POLR3B: variants seen among roughly 807,000 people sequenced by gnomAD.
POLR3B encodes RNA polymerase III subunit B.
In POLR3B, 96 loss-of-function variants were observed where a neutral mutation model predicts 147.4. That is an observed-to-expected ratio of 0.65 (90% confidence interval 0.55 to 0.77). POLR3B has a LOEUF of 0.77. Ranked by LOEUF, POLR3B falls within the 30% of genes least tolerant of loss-of-function variation. POLR3B has a pLI of 0.00. For synonymous variants in POLR3B, 461 were observed against 485.9 expected (o/e 0.95, Z 0.67); for missense variants, 1,036 against 1,413.5 (o/e 0.73, Z 4.28).
In POLR3B at chr12:106,463,973, A is replaced by G. The variant is rs369847526; in HGVS notation, c.2713+353A>G. 7.2e-5 allele frequency among the ~76,000 whole-genome samples: 11 copies of G among 151,882 alleles called. No homozygotes were observed. In the South Asian group the frequency reaches 8.3e-4, roughly 11 times the overall value. ...CTGAAAGATACATCTTTAAACTACT[A>G]TATGTTCTGTTGAGTCATAGTGTCA... On this transcript the variant is annotated intron_variant, in intron 23 of 27. Transcript: ENST00000228347.
chr12:106,388,540 T>A (rs751360021), intron 9 of POLR3B, among the ~76,000 whole-genome samples: 1 of 152,124 alleles, frequency 6.6e-6, no homozygotes, highest in East Asian at 1.9e-4. Context: ...ATGGTCTTGA[T>A]CTCCTGACCT....
chr12:106,376,080 A>G (rs2036674622), intron 6 of POLR3B, among the ~76,000 whole-genome samples: 1 of 152,176 alleles, frequency 6.6e-6, no homozygotes, highest in Non-Finnish European at 1.5e-5. Flanking sequence ...TCCTGGCCTC[A>G]TGTGATCCAC....
At chr12:106,495,608 C>T (rs574307497) in intron 23 of POLR3B, among the ~76,000 whole-genome samples, 1 of 152,232 alleles carries the variant, frequency 6.6e-6, no homozygotes, top group Non-Finnish European at 1.5e-5. Context: ...GCACACTCCT[C>T]ATCCAATCAT....
intron 12 of POLR3B, among the ~76,000 whole-genome samples, chr12:106,423,925 C>T (rs547953024): frequency 5.3e-5 from 8 of 151,712 alleles, no homozygotes; most frequent in African/African-American, 1.2e-4. Context: ...GGCACAATCT[C>T]GGCTCATTGC....
At chr12:106,425,064 G>T (rs993522136) in intron 12 of POLR3B, among the ~76,000 whole-genome samples, 2 of 152,164 alleles carry the variant, frequency 1.3e-5, no homozygotes, top group Non-Finnish European at 2.9e-5. Context: ...AGTAAAGACA[G>T]TTTTATTGCT....
chr12:106,401,305 C>G (rs994799031), intron 10 of POLR3B, among the ~76,000 whole-genome samples: 1 of 152,164 alleles, frequency 6.6e-6, no homozygotes, highest in African/African-American at 2.4e-5. Context: ...AGACCAATAA[C>G]AGGCTCTGAA....
chr12:106,436,451 C>G (rs2037577807), intron 16 of POLR3B, among the ~76,000 whole-genome samples: 2 of 152,214 alleles, frequency 1.3e-5, no homozygotes, highest in African/African-American at 4.8e-5. Context: ...GCTTCATTCT[C>G]TGCCAACTTT....
At chr12:106,421,858 C>T (rs1236721558) in intron 12 of POLR3B, among the ~76,000 whole-genome samples, 1 of 152,092 alleles carries the variant, frequency 6.6e-6, no homozygotes, top group African/African-American at 2.4e-5. Context: ...CACCACCACA[C>T]CCAGCTAATT....
rs113491777 is a variant in POLR3B at position 106,506,639 on chromosome 12, G to T, written c.3272+2385G>T. Among the ~76,000 whole-genome samples the T allele has an allele frequency of 1.7e-4, 26 of 152,290 alleles. No individual in the cohort carries two copies. The East Asian group carries it at 4.6e-3, about 27-fold the overall frequency. On this transcript the variant is annotated intron_variant, in intron 27 of 27. Coordinates refer to ENST00000228347, the MANE Select transcript of POLR3B (RefSeq NM_018082.6). Reference sequence around the variant, plus strand: ...TCTGATTTTGAAGCGTATGTATTCCGTGTGTATTGTATTTGAAATCCTTTG... The same window carrying T: ...TCTGATTTTGAAGCGTATGTATTCCTTGTGTATTGTATTTGAAATCCTTTG...
intron 23 of POLR3B, among the ~76,000 whole-genome samples, chr12:106,471,195 T>C (rs184218212): frequency 6.6e-6 from 1 of 152,094 alleles, no homozygotes; most frequent in Admixed American, 6.6e-5. Context: ...TCTGCCACAC[T>C]CCACCATCCC....
chr12:106,421,052 A>C (rs1263797705), intron 12 of POLR3B, among the ~76,000 whole-genome samples: 1 of 152,072 alleles, frequency 6.6e-6, no homozygotes, highest in Non-Finnish European at 1.5e-5. Flanking sequence ...ATACCGTATA[A>C]TTTCTCTGCA....
chr12:106,499,013 ATG>A (rs370157824), intron 25 of POLR3B, among the ~76,000 whole-genome samples: 298 of 152,372 alleles, frequency 2.0e-3, no homozygotes, highest in Admixed American at 4.1e-3. Context: ...TCTATTAAAA[ATG>A]TGGAGTGCTT....
chr12:106,427,417 A>G (rs1233102077), intron 13 of POLR3B, 59 bp downstream of exon 13: 16 of 1,442,172 alleles, frequency 1.1e-5, no homozygotes, highest in Admixed American at 1.7e-5. Flanking sequence ...TATTCAATAG[A>G]ACAGAAACTT....
At chr12:106,402,878 C>G (rs1593021192) in intron 10 of POLR3B, among the ~76,000 whole-genome samples, 1 of 152,178 alleles carries the variant, frequency 6.6e-6, no homozygotes, top group Non-Finnish European at 1.5e-5. Flanking sequence ...CTAGGCAATA[C>G]CATTCAGGAC....
intron 25 of POLR3B, 21 bp from the exon 26 acceptor site, chr12:106,501,302 A>C: frequency 1.3e-6 from 2 of 1,504,772 alleles, no homozygotes; most frequent in South Asian, 2.2e-5. Flanking sequence ...CTTAACCCAC[A>C]ACAATTGATC....
Position 106,432,623 on chromosome 12 carries a change from G to A in POLR3B, c.1627+143G>A, listed in dbSNP as rs1593038366. 6.6e-6 allele frequency: 5 copies of A among 760,650 alleles called. No homozygotes were observed. In the East Asian group the frequency reaches 1.3e-4, roughly 19 times the overall value. The allele number at this position is 760,650 out of a possible 1,614,324, so 47.1% of individuals were successfully genotyped here. On this transcript the variant is annotated intron_variant, in intron 15 of 27. Coordinates refer to ENST00000228347, the MANE Select transcript of POLR3B (RefSeq NM_018082.6). ...TTCACTTAAAGGTAGAAAATACAAT[G>A]ATAACAGAAACAGTTACTTTGTTGG... is the stretch of plus-strand genomic sequence containing the variant.
At chr12:106,495,976 C>T (rs769301492) in intron 23 of POLR3B, 79 bp from the exon 24 acceptor site, 13 of 842,008 alleles carry the variant, frequency 1.5e-5, no homozygotes, top group Middle Eastern at 3.3e-4. Context: ...GAGATAGCAG[C>T]GGGGAGATCC....
chr12:106,479,465 C>G (rs2038231646), intron 23 of POLR3B, among the ~76,000 whole-genome samples: 1 of 151,780 alleles, frequency 6.6e-6, no homozygotes, highest in African/African-American at 2.4e-5. Flanking sequence ...ACTGCAAGCT[C>G]TGCCTCCTGG....
At chr12:106,407,067 C>T (rs967342058) in intron 11 of POLR3B, among the ~76,000 whole-genome samples, 1 of 152,208 alleles carries the variant, frequency 6.6e-6, no homozygotes, top group African/African-American at 2.4e-5. Context: ...GTCTCTCATT[C>T]TGCCCCTTGG....
Sources: allele counts gnomAD v4.1 joint callset (sites outside exome capture counted in the v4.1 genomes callset), GRCh38; gene constraint gnomAD v4.1.1; transcripts MANE v1.5; gene names NCBI Gene and HGNC (gene_info 2026-07-23, HGNC 2026-07-21).